The following LRRFIP2 variants were observed in gnomAD, a reference collection of about 807,000 sequenced individuals.
The protein encoded by LRRFIP2 is LRR binding FLII interacting protein 2, also known as leucine-rich repeat flightless-interacting protein 2.
A neutral mutation model predicts 125.9 loss-of-function variants in LRRFIP2; 109 were observed. The observed-to-expected ratio is 0.87, with a 90% confidence interval of 0.74 to 1.01. LRRFIP2 has a LOEUF of 1.01. Ranked by LOEUF, LRRFIP2 falls within the 50% of genes least tolerant of loss-of-function variation. The pLI is 0.00. For synonymous variants in LRRFIP2, 291 were observed against 293.1 expected (o/e 0.99, Z 0.07); for missense variants, 850 against 862.3 (o/e 0.99, Z 0.18).
rs28758697 is a variant in LRRFIP2, at chr3:37,102,924, G to T, written c.873C>A (p.Ser291Arg). The change falls in exon 15 of 28, where the codon AGC becomes AGA. Residue 291 changes from serine to arginine, a missense_variant and splice_region_variant. By Grantham distance (110) the Ser-to-Arg change is moderately radical. Coordinates refer to ENST00000336686, the MANE Select transcript of LRRFIP2 (RefSeq NM_006309.4). ...CAACCACCCCATGCAATACACTCAC[G>T]CTGGACAAATCTGGGATACTGATAT... ...VDDISIPDLS[S>R]LDEKSDKQYA... 2,561 of 1,554,800 alleles carry T rather than the reference G, an allele frequency of 1.6e-3. 45 individuals carry two copies. In the African/African-American group the frequency reaches 0.031, roughly 19 times the overall value.
At chr3:37,115,173 G>A in intron 6 of LRRFIP2, 78 bp from the exon 7 acceptor site, 1 of 1,001,662 alleles carries the variant, frequency 1.0e-6, no homozygotes, top group African/African-American at 1.6e-5. Flanking sequence ...AATATTTGAG[G>A]TTATTTTAAA....
At chr3:37,161,803 AAAAG>A (rs772379323) in intron 1 of LRRFIP2, among the ~76,000 whole-genome samples, 22 of 152,042 alleles carry the variant, frequency 1.4e-4, no homozygotes, top group Non-Finnish European at 2.8e-4. Context: ...AAAAAAAAAA[AAAAG>A]AGAGAGAGGT....
chr3:37,083,496 T>C, intron 19 of LRRFIP2, 140 bp downstream of exon 19: 1 of 523,582 alleles, frequency 1.9e-6, no homozygotes, highest in Non-Finnish European at 3.3e-6. Flanking sequence ...TGATATCTCA[T>C]GGTGTTCTGT....
intron 6 of LRRFIP2, among the ~76,000 whole-genome samples, chr3:37,121,099 A>C (rs1048967107): frequency 2.0e-5 from 3 of 152,234 alleles, no homozygotes; most frequent in Non-Finnish European, 4.4e-5. Flanking sequence ...AATTACAATT[A>C]ATCATCCAAG....
rs143042222 is a variant in LRRFIP2 at position 37,143,438 on chromosome 3, T to C, written c.90+5456A>G. ...AGAAGGCAATGCCTCTTGCTGCTTT[T>C]TCACATTAGAGACAAACTGTAACAC... On this transcript the variant is annotated intron_variant, in intron 2 of 27. Coordinates refer to ENST00000336686, the MANE Select transcript of LRRFIP2 (RefSeq NM_006309.4). The C allele has an allele frequency of 5.4e-3, 1,016 of 186,810 alleles. 10 individuals carry two copies. The highest frequency in any genetic ancestry group is 0.022 in the African/African-American group (960 of 42,712). 11.6% of individuals were successfully genotyped at this position (186,810 alleles called of 1,614,324 possible). A position where few individuals can be genotyped will look rare whatever the true frequency, so the allele number is the denominator to read the frequency against.
At position 37,053,750 on chromosome 3, in the gene LRRFIP2, A is replaced by C; in HGVS notation, c.*101T>G. On this transcript the variant is annotated 3_prime_UTR_variant, in exon 28 of 28. Transcript: ENST00000336686. ...TACAAAGGTGGCTGTTTTAATGACA[A>C]AACTCAAAACAGTACTAAAAGGGGT... 1 of 720,536 alleles carries C rather than the reference A, an allele frequency of 1.4e-6. No individual in the cohort carries two copies. The highest frequency in any genetic ancestry group is 2.5e-5 in the East Asian group (1 of 39,926). The allele number at this position is 720,536 out of a possible 1,614,324, so 44.6% of individuals were successfully genotyped here. A position where few individuals can be genotyped will look rare whatever the true frequency, so the allele number is the denominator to read the frequency against.
intron 21 of LRRFIP2, among the ~76,000 whole-genome samples, chr3:37,070,421 A>G (rs2090973362): frequency 6.6e-6 from 1 of 151,870 alleles, no homozygotes; most frequent in Non-Finnish European, 1.5e-5. Context: ...GCCCTGTTTA[A>G]TTTCTTACAA....
At chr3:37,173,903 C>T (rs1252014867) in intron 1 of LRRFIP2, among the ~76,000 whole-genome samples, 1 of 152,194 alleles carries the variant, frequency 6.6e-6, no homozygotes, top group Non-Finnish European at 1.5e-5. Context: ...AACGGAGATA[C>T]TTAAATCCTG....
At chr3:37,166,951 G>A (rs1253440462) in intron 1 of LRRFIP2, among the ~76,000 whole-genome samples, 2 of 152,054 alleles carry the variant, frequency 1.3e-5, no homozygotes, top group Admixed American at 6.5e-5. Context: ...GGAGGCAGAG[G>A]TTGCAGTGAG....
intron 2 of LRRFIP2, among the ~76,000 whole-genome samples, chr3:37,129,543 T>G (rs2095372785): frequency 6.6e-6 from 1 of 152,212 alleles, no homozygotes; most frequent in African/African-American, 2.4e-5. Context: ...CTCCAAGTAC[T>G]GACAATTCTC....
rs1559610598 is a variant in LRRFIP2, at chr3:37,053,375, A to G, written c.*476T>C. 1 of 152,864 alleles carries G rather than the reference A, an allele frequency of 6.5e-6. No individual in the cohort carries two copies. Among genetic ancestry groups the G allele is most frequent in the East Asian group, 1.9e-4 (1 of 5,206 alleles). The allele number at this position is 152,864 out of a possible 1,614,324, so 9.5% of individuals were successfully genotyped here. ...CCCGAGAACTTGTTTCTTCACTAAAATATAAATGTTGTCTGATATTAAGGG... is the reference window on the plus strand; with the variant it reads ...CCCGAGAACTTGTTTCTTCACTAAAGTATAAATGTTGTCTGATATTAAGGG... On this transcript the variant is annotated 3_prime_UTR_variant, in exon 28 of 28. Coordinates refer to ENST00000336686, the MANE Select transcript of LRRFIP2 (RefSeq NM_006309.4).
intron 1 of LRRFIP2, among the ~76,000 whole-genome samples, chr3:37,150,811 T>C (rs941535452): frequency 1.2e-4 from 18 of 152,198 alleles, no homozygotes; most frequent in Admixed American, 8.5e-4. Context: ...CCTAACACAA[T>C]TGGCTATACT....
intron 4 of LRRFIP2, among the ~76,000 whole-genome samples, chr3:37,126,013 T>TTTGTTG (rs35451308): frequency 1.1e-4 from 17 of 151,260 alleles, no homozygotes; most frequent in Non-Finnish European, 1.9e-4. Flanking sequence ...AATCAGTTTT[T>TTTGTTG]TTGTTGTTGT....
At chr3:37,063,633 T>G (rs1287413723) in intron 24 of LRRFIP2, 109 bp downstream of exon 24, 1 of 813,042 alleles carries the variant, frequency 1.2e-6, no homozygotes, top group Non-Finnish European at 2.2e-6. Flanking sequence ...CTCACTTGAG[T>G]ACTGATGTTT....
intron 15 of LRRFIP2, among the ~76,000 whole-genome samples, chr3:37,098,388 C>CTTTTTTTT (rs200770177): frequency 7.0e-6 from 1 of 142,946 alleles, no homozygotes; most frequent in African/African-American, 2.5e-5. Flanking sequence ...AATTTTTTTT[C>CTTTTTTTT]TTTTTTTTCT....
intron 21 of LRRFIP2, among the ~76,000 whole-genome samples, chr3:37,070,211 T>G (rs964946749): frequency 1.1e-4 from 16 of 151,718 alleles, no homozygotes; most frequent in Admixed American, 3.9e-4. Context: ...CCTCCCGGAT[T>G]CAAGTGATTC....
At chr3:37,158,826 C>G (rs2096265328) in intron 1 of LRRFIP2, among the ~76,000 whole-genome samples, 1 of 151,996 alleles carries the variant, frequency 6.6e-6, no homozygotes, top group African/African-American at 2.4e-5. Flanking sequence ...AAAGTAAAAC[C>G]TATCACATAC....
chr3:37,154,058 C>T (rs1184525004), intron 1 of LRRFIP2, among the ~76,000 whole-genome samples: 1 of 151,472 alleles, frequency 6.6e-6, no homozygotes, highest in African/African-American at 2.4e-5. Flanking sequence ...ACCTGTAGTC[C>T]CAGCTACTTG....
At chr3:37,156,535 G>T (rs1044668402) in intron 1 of LRRFIP2, among the ~76,000 whole-genome samples, 1 of 151,126 alleles carries the variant, frequency 6.6e-6, no homozygotes, top group Non-Finnish European at 1.5e-5. Flanking sequence ...TTAGCCGGGC[G>T]TGGTGGCAGG....
Sources: gnomAD v4.1 joint callset for allele counts (sites outside exome capture counted in the v4.1 genomes callset) on GRCh38, gnomAD v4.1.1 for gene constraint, MANE v1.5 for transcripts, NCBI Gene and HGNC (gene_info 2026-07-23, HGNC 2026-07-21) for gene names.